The following ASPG variants were observed in gnomAD, a reference collection of about 807,000 sequenced individuals.
The protein encoded by ASPG is asparaginase.
Under a neutral mutation model 63.2 loss-of-function variants are expected in ASPG, and 53 were observed. The ratio of observed to expected loss-of-function variants is 0.84; its 90% CI spans 0.67 to 1.05. The LOEUF (loss-of-function observed/expected upper bound fraction) is 1.05. Among genes scored for constraint, ASPG ranks in the 50% least tolerant of loss-of-function variants. The pLI, the probability that ASPG is intolerant of heterozygous loss-of-function variation, is 0.00. For synonymous variants in ASPG, 370 were observed against 355.0 expected, an observed-to-expected ratio of 1.04 and a Z score of -0.48; for missense variants, 741 against 794.4, an observed-to-expected ratio of 0.93 and a Z score of 0.81.
Position 104,086,844 on chromosome 14 carries a change from GCTCT to G in ASPG, c.82+998_82+1001del, listed in dbSNP as rs796351862. Among the ~76,000 whole-genome samples the G allele has an allele frequency of 2.0e-4, 31 of 152,174 alleles. 1 individual carries two copies. Among genetic ancestry groups the G allele is most frequent in the African/African-American group, 7.2e-4 (30 of 41,514 alleles). On this transcript the variant is annotated intron_variant, in intron 1 of 15. Transcript: ENST00000551177. ...CACACTCCTGCTTGTGTCCAGCGCA[GCTCT>G]CTCTCCTGGGACGGCTGGGACCCTC... is the stretch of plus-strand genomic sequence containing the variant.
At chr14:104,090,320 G>T (rs942028465) in intron 1 of ASPG, among the ~76,000 whole-genome samples, 1 of 152,192 alleles carries the variant, frequency 6.6e-6, no homozygotes, top group African/African-American at 2.4e-5. Flanking sequence ...CTTGCACAAC[G>T]TGAGCATGTC....
At chr14:104,095,689 G>A in intron 4 of ASPG, 33 bp downstream of exon 4, 1 of 1,610,608 alleles carries the variant, frequency 6.2e-7, no homozygotes, top group Non-Finnish European at 8.5e-7. Context: ...CCTAGGAACA[G>A]GGGCTTCCTG....
rs376822285 is a variant in ASPG, at chr14:104,098,899, C to T, written c.560C>T (p.Thr187Ile). 2.2e-5 allele frequency: 35 copies of T among 1,612,506 alleles called. No homozygotes were observed. In the Middle Eastern group the frequency reaches 6.6e-4, roughly 30 times the overall value. The change falls in exon 6 of 16, where the codon ACC (threonine) becomes ATC (isoleucine). Residue 187 changes from threonine to isoleucine, a missense_variant. Transcript: ENST00000551177. Reference sequence around the variant, plus strand: ...CAGCTGTTTCGGGGCAACCGGGCAACCAAGGTAGACGCTCGGAGGTTCGCA... The same window carrying T: ...CAGCTGTTTCGGGGCAACCGGGCAATCAAGGTAGACGCTCGGAGGTTCGCA... ...QNQLFRGNRA[T>I]KVDARRFAAF...
chr14:104,096,769 C>A lies in ASPG; in HGVS notation c.430-785C>A, dbSNP rs116186915. On this transcript the variant is annotated intron_variant, in intron 4 of 15. Coordinates refer to ENST00000551177, the MANE Select transcript of ASPG (RefSeq NM_001080464.3). ...GAAACTGAGGCTTACAGGCTAGGGG[C>A]TCACCCACAGCCACGTACCACGTGA... 2.2e-3 allele frequency among the ~76,000 whole-genome samples: 333 copies of A among 152,308 alleles called. 1 individual carries two copies. Among genetic ancestry groups the A allele is most frequent in the African/African-American group, 7.7e-3 (321 of 41,568 alleles).
intron 10 of ASPG, 70 bp from the exon 11 acceptor site, chr14:104,106,729 C>G (rs556668298): frequency 7.2e-7 from 1 of 1,386,714 alleles, no homozygotes; most frequent in South Asian, 1.3e-5. Context: ...TCATACAGCA[C>G]CGGGGACTGC....
chr14:104,112,483 C>T lies in ASPG; in HGVS notation c.1702-41C>T, dbSNP rs1281015768. 5 of 1,149,742 alleles carry T rather than the reference C, an allele frequency of 4.3e-6. No individual in the cohort carries two copies. The South Asian group carries it at 6.1e-5, about 14-fold the overall frequency. The allele number at this position is 1,149,742 out of a possible 1,614,324, so 71.2% of individuals were successfully genotyped here. A position where few individuals can be genotyped will look rare whatever the true frequency, so the allele number is the denominator to read the frequency against. On this transcript the variant is annotated intron_variant, in intron 15 of 15. Coordinates refer to ENST00000551177, the MANE Select transcript of ASPG (RefSeq NM_001080464.3). ...CTTGTCTCTCTGCCCTGCCTTCGCA[C>T]TCTACCTGGGTGTCCTTCTCAGGAG...
Position 104,109,439 on chromosome 14 carries a change from C to A in ASPG, c.1520+124C>A. The A allele has an allele frequency of 9.1e-7, 1 of 1,095,170 alleles. No homozygotes were observed. The allele number at this position is 1,095,170 out of a possible 1,614,324, so 67.8% of individuals were successfully genotyped here. A position where few individuals can be genotyped will look rare whatever the true frequency, so the allele number is the denominator to read the frequency against. On this transcript the variant is annotated intron_variant, in intron 13 of 15. Coordinates refer to ENST00000551177, the MANE Select transcript of ASPG (RefSeq NM_001080464.3). The surrounding 1 kb of genome is among the most constrained non-coding windows in gnomAD (Gnocchi z 4.8). ...TGGGGGCTTTCAGAGGCGAGGCCCGCTGACCTCAGTGTGCACCAACCTGGC... is the reference window on the plus strand; with the variant it reads ...TGGGGGCTTTCAGAGGCGAGGCCCGATGACCTCAGTGTGCACCAACCTGGC...
chr14:104,102,242 G>A (rs1452564246), intron 6 of ASPG, among the ~76,000 whole-genome samples: 1 of 152,080 alleles, frequency 6.6e-6, no homozygotes, highest in African/African-American at 2.4e-5. Context: ...GGGCTCTGGT[G>A]GGGGTGGAAG....
chr14:104,104,269 C>T, intron 7 of ASPG, 35 bp from the exon 8 acceptor site: 1 of 1,589,320 alleles, frequency 6.3e-7, no homozygotes, highest in Non-Finnish European at 8.6e-7. Context: ...GGGCAGAGAC[C>T]CTCACCATCC....
rs1226942887 is a variant in ASPG at position 104,104,322 on chromosome 14, C to A, written c.772C>A (p.Pro258Thr). 1 of 1,611,928 alleles carries A rather than the reference C, an allele frequency of 6.2e-7. No individual in the cohort carries two copies. Among genetic ancestry groups the A allele is most frequent in the South Asian group, 1.1e-5 (1 of 91,034 alleles). ...PAALVRAFLQ[P>T]PLKGVVMETF... Reference sequence around the variant, plus strand: ...CCCACAGGTTCGGGCCTTCTTGCAGCCTCCCCTGAAGGGCGTGGTCATGGA... The same window carrying A: ...CCCACAGGTTCGGGCCTTCTTGCAGACTCCCCTGAAGGGCGTGGTCATGGA... The change falls in exon 8 of 16, where the codon CCT (proline) becomes ACT (threonine). Residue 258 changes from proline (P) to threonine (T), a missense_variant. Physicochemically the swap from Pro to Thr is conservative, Grantham distance 38. Coordinates refer to ENST00000551177, the MANE Select transcript of ASPG (RefSeq NM_001080464.3).
chr14:104,104,692 A>G lies in ASPG; in HGVS notation c.1007A>G (p.Tyr336Cys), dbSNP rs1267982589. Reference sequence around the variant, plus strand: ...GAGGCCGCCCTGGCCAAGCTATCGTATGTGCTGGGCCAGCCAGGGCTGAGC... The same window carrying G: ...GAGGCCGCCCTGGCCAAGCTATCGTGTGTGCTGGGCCAGCCAGGGCTGAGC... ...TSEAALAKLSYVLGQPGLSLD... is the reference protein window; with the variant it reads ...TSEAALAKLSCVLGQPGLSLD... The change falls in exon 9 of 16, where the codon TAT becomes TGT. Residue 336 changes from tyrosine to cysteine, a missense_variant. By Grantham distance (194) the Tyr-to-Cys change is radical. Transcript: ENST00000551177. 2 of 1,611,024 alleles carry G rather than the reference A, an allele frequency of 1.2e-6. No individual in the cohort carries two copies. Among genetic ancestry groups the G allele is most frequent in the East Asian group, 2.2e-5 (1 of 44,830 alleles).
At chr14:104,108,332 G>A (rs887642603) in intron 12 of ASPG, 3 of 888,984 alleles carry the variant, frequency 3.4e-6, no homozygotes, top group African/African-American at 1.8e-5. Context: ...GCGTCCTTGG[G>A]TGTGGGTGGG....
chr14:104,104,690 G>A lies in ASPG; in HGVS notation c.1005G>A (p.Ser335=), dbSNP rs778146001. The change falls in exon 9 of 16, where the codon TCG becomes TCA. Residue 335 remains serine, a synonymous_variant. Transcript: ENST00000551177. The part of the protein sequence containing the change: ...MTSEAALAKL[S]YVLGQPGLSL... ...CGGAGGCCGCCCTGGCCAAGCTATCGTATGTGCTGGGCCAGCCAGGGCTGA... is the reference window on the plus strand; with the variant it reads ...CGGAGGCCGCCCTGGCCAAGCTATCATATGTGCTGGGCCAGCCAGGGCTGA... 1.2e-5 allele frequency: 19 copies of A among 1,611,058 alleles called. No homozygotes were observed. The highest frequency in any genetic ancestry group is 1.3e-5 in the African/African-American group (1 of 74,912).
In ASPG at chr14:104,106,911, C is replaced by T. The variant is rs986820176; in HGVS notation, c.1269+17C>T. On this transcript the variant is annotated intron_variant, in intron 11 of 15. Transcript: ENST00000551177. ...GTGGAGCTGGTGAGCCTCCCCCACC[C>T]TGGGGGCCCAGCCCCAGCCACGCCT... 1.9e-6 allele frequency: 3 copies of T among 1,556,948 alleles called. No individual in the cohort carries two copies. The highest frequency in any genetic ancestry group is 2.7e-5 in the African/African-American group (2 of 73,580).
chr14:104,100,254 C>T (rs1003407647), intron 6 of ASPG, among the ~76,000 whole-genome samples: 1 of 152,128 alleles, frequency 6.6e-6, no homozygotes. Flanking sequence ...AGGGCAGGGG[C>T]CTTCCTGGAG....
intron 1 of ASPG, among the ~76,000 whole-genome samples, chr14:104,090,220 G>A (rs978611682): frequency 2.0e-5 from 3 of 152,200 alleles, no homozygotes; most frequent in African/African-American, 7.2e-5. Flanking sequence ...AGGGACAGCA[G>A]GGCCCATATC....
In ASPG at chr14:104,110,765, C is replaced by T. The variant is rs2037350255; in HGVS notation, c.1521-737C>T. 1.0e-5 allele frequency: 10 copies of T among 985,250 alleles called. No individual in the cohort carries two copies. The highest frequency in any genetic ancestry group is 1.2e-5 in the Non-Finnish European group (10 of 829,874). 61.0% of individuals were successfully genotyped at this position (985,250 alleles called of 1,614,324 possible). ...CAGGCCACTTCCCCCAGCCCCTGCA[C>T]ACCATGGGTGGGTGGAGCCTTCCCT... is the stretch of plus-strand genomic sequence containing the variant. On this transcript the variant is annotated intron_variant, in intron 13 of 15. Transcript: ENST00000551177. The surrounding 1 kb of genome is among the most constrained non-coding windows in gnomAD (Gnocchi z 4.7).
At chr14:104,089,852 G>A (rs924513697) in intron 1 of ASPG, among the ~76,000 whole-genome samples, 2 of 149,662 alleles carry the variant, frequency 1.3e-5, no homozygotes, top group Admixed American at 1.4e-4. Context: ...GGAGGCTAAG[G>A]CAGGAGAATT....
chr14:104,104,676 C>T lies in ASPG; in HGVS notation c.991C>T (p.Leu331=). The change falls in exon 9 of 16, where the codon CTG becomes TTG. Residue 331 remains leucine, a synonymous_variant. Coordinates refer to ENST00000551177, the MANE Select transcript of ASPG (RefSeq NM_001080464.3). Reference sequence around the variant, plus strand: ...CTTCGACATGACATCGGAGGCCGCCCTGGCCAAGCTATCGTATGTGCTGGG... The same window carrying T: ...CTTCGACATGACATCGGAGGCCGCCTTGGCCAAGCTATCGTATGTGCTGGG... The part of the protein sequence containing the change: ...SGFDMTSEAA[L]AKLSYVLGQP... The T allele has an allele frequency of 3.7e-6, 6 of 1,611,078 alleles. No individual in the cohort carries two copies. Among genetic ancestry groups the T allele is most frequent in the Non-Finnish European group, 4.2e-6 (5 of 1,178,922 alleles).
Sources: gnomAD v4.1 joint callset for allele counts (sites outside exome capture counted in the v4.1 genomes callset) on GRCh38, gnomAD v4.1.1 for gene constraint, Gnocchi (gnomAD v3.1) non-coding constraint, MANE v1.5 for transcripts, NCBI Gene and HGNC (gene_info 2026-07-23, HGNC 2026-07-21) for gene names.